The following ANK3 variants were observed in gnomAD, a reference collection of about 807,000 sequenced individuals.
The protein encoded by ANK3 is ankyrin 3.
Under a neutral mutation model 370.9 loss-of-function variants are expected in ANK3, and 57 were observed. That is an observed-to-expected ratio of 0.15 (90% confidence interval 0.12 to 0.19). ANK3 has a LOEUF of 0.19. ANK3 is among the 10% of genes least tolerant of loss of function. The pLI, the probability that ANK3 is intolerant of heterozygous loss-of-function variation, is 1.00. For missense variants in ANK3, 4,439 were observed against 5,302.1 expected, an observed-to-expected ratio of 0.84 and a Z score of 5.06; for synonymous variants, 1,929 against 1,946.3, an observed-to-expected ratio of 0.99 and a Z score of 0.23.
intron 28 of ANK3, among the ~76,000 whole-genome samples, chr10:60,094,434 C>T (rs545955778): frequency 6.9e-4 from 105 of 152,014 alleles, no homozygotes; most frequent in African/African-American, 2.4e-3. Flanking sequence ...GTGATGTGCC[C>T]GCCTCAGCCT....
rs1202303780 is a variant in ANK3 at position 60,442,191 on chromosome 10, G to GT, written c.97-162553dup. On this transcript the variant is annotated intron_variant, in intron 2 of 43. Coordinates refer to the ANK3 transcript ENST00000373827. ...ACTCACCACAACCTCTGCCTTCTGG[G>GT]TTCAAGCAATTCTCCTGTCTCGGCC... Among the ~76,000 whole-genome samples the GT allele has an allele frequency of 6.6e-5, 10 of 151,540 alleles. No individual in the cohort carries two copies. The South Asian group carries it at 1.3e-3, about 19-fold the overall frequency.
At chr10:60,367,714 T>C (rs2132767326) in intron 1 of ANK3, among the ~76,000 whole-genome samples, 1 of 152,360 alleles carries the variant, frequency 6.6e-6, no homozygotes, top group African/African-American at 2.4e-5. Context: ...AACCCATTCA[T>C]TTCCCCCTGC....
chr10:60,189,170 C>T (rs571479783), intron 16 of ANK3, among the ~76,000 whole-genome samples: 12 of 152,150 alleles, frequency 7.9e-5, no homozygotes, highest in Non-Finnish European at 8.8e-5. Flanking sequence ...CAAAAAGAAT[C>T]CTATGTCCTA....
intron 2 of ANK3, chr10:60,507,592 C>A (rs1489087308): frequency 6.6e-6 from 1 of 151,714 alleles, no homozygotes; most frequent in Non-Finnish European, 1.5e-5. Flanking sequence ...CAAAGAAAAC[C>A]ATCAAGAATT....
chr10:60,556,228 G>A (rs1938546), intron 2 of ANK3, among the ~76,000 whole-genome samples: 105,188 of 152,156 alleles, frequency 0.69, 36,789 homozygotes, highest in South Asian at 0.88. Flanking sequence ...TTAAACCTCT[G>A]AATTACTTCT....
At position 60,444,924 on chromosome 10, in the gene ANK3, A is replaced by G. The variant is rs551340138; in HGVS notation, c.97-165285T>C. Among the ~76,000 whole-genome samples the G allele has an allele frequency of 1.2e-4, 19 of 152,204 alleles. No homozygotes were observed. The South Asian group carries it at 3.7e-3, about 30-fold the overall frequency. On this transcript the variant is annotated intron_variant, in intron 2 of 43. Coordinates refer to the ANK3 transcript ENST00000373827. ...GTAAAACTTTTTTTCTTGCATTTTA[A>G]TTGTTCTAAAAATGAACTCTTTCTG...
chr10:60,153,309 G>A (rs1173100030), intron 23 of ANK3, among the ~76,000 whole-genome samples: 1 of 152,172 alleles, frequency 6.6e-6, no homozygotes, highest in East Asian at 1.9e-4. Flanking sequence ...GAGAAGAACT[G>A]GAGATCTGTA....
At chr10:60,716,751 A>G (rs1218067592) in intron 1 of ANK3, among the ~76,000 whole-genome samples, 1 of 152,160 alleles carries the variant, frequency 6.6e-6, no homozygotes, top group African/African-American at 2.4e-5. Flanking sequence ...CCTGCGCTCA[A>G]GTGATCCTCC....
chr10:60,226,481 A>ATATACTATG (rs1565819022), intron 8 of ANK3, among the ~76,000 whole-genome samples: 22 of 73,140 alleles, frequency 3.0e-4, no homozygotes, highest in African/African-American at 2.3e-3. Flanking sequence ...TATATATACT[A>ATATACTATG]TATATATACA....
chr10:60,652,706 A>AAG (rs2078806562), intron 1 of ANK3, among the ~76,000 whole-genome samples: 1 of 151,682 alleles, frequency 6.6e-6, no homozygotes, highest in Admixed American at 6.6e-5. Flanking sequence ...AAAAAAAAAA[A>AAG]AAAACTAAAC....
rs866119809 is a variant in ANK3 at position 60,434,572 on chromosome 10, G to T, written c.97-154933C>A. Among the ~76,000 whole-genome samples, 4 of 152,208 alleles carry T rather than the reference G, an allele frequency of 2.6e-5. 1 individual carries two copies. Among genetic ancestry groups the T allele is most frequent in the South Asian group, 4.2e-4 (2 of 4,814 alleles). ...TATATAGAGAGCCTTAAATTCTTTG[G>T]CAGGTTCATCTTGAATGGAATTGTT... is the stretch of plus-strand genomic sequence containing the variant. On this transcript the variant is annotated intron_variant, in intron 2 of 43. Transcript: ENST00000373827.
At chr10:60,673,645 C>T (rs978829067) in intron 1 of ANK3, among the ~76,000 whole-genome samples, 9 of 152,194 alleles carry the variant, frequency 5.9e-5, no homozygotes, top group African/African-American at 7.2e-5. Context: ...AACCACCACG[C>T]CCAGCCATCA....
chr10:60,575,276 C>T lies in ANK3; in HGVS notation c.96+39910G>A, dbSNP rs144909156. ...TTTCTTTGATAAAGCATGATCTTGG[C>T]TGTATTCATTTGTATATGTAAGGTT... is the stretch of plus-strand genomic sequence containing the variant. On this transcript the variant is annotated intron_variant, in intron 2 of 43. Transcript: ENST00000373827. Among the ~76,000 whole-genome samples, 438 of 151,750 alleles carry T rather than the reference C, an allele frequency of 2.9e-3. 5 individuals are homozygous for T. Among genetic ancestry groups the T allele is most frequent in the African/African-American group, 9.9e-3 (409 of 41,364 alleles).
chr10:60,118,632 A>C (rs1204526499), intron 25 of ANK3, among the ~76,000 whole-genome samples: 2 of 151,660 alleles, frequency 1.3e-5, no homozygotes, highest in Non-Finnish European at 2.9e-5. Flanking sequence ...CAAAACACTT[A>C]ATACAAAGTA....
At chr10:60,055,451 G>A (rs2078988471) in intron 42 of ANK3, among the ~76,000 whole-genome samples, 2 of 152,020 alleles carry the variant, frequency 1.3e-5, no homozygotes, top group South Asian at 4.1e-4. Flanking sequence ...TAACGAAATG[G>A]CATACATTTT....
intron 1 of ANK3, among the ~76,000 whole-genome samples, chr10:60,712,237 T>C (rs915984761): frequency 2.0e-5 from 3 of 152,226 alleles, no homozygotes; most frequent in Admixed American, 1.3e-4. Context: ...TATTTGGTGA[T>C]TATAGCTTGT....
intron 1 of ANK3, among the ~76,000 whole-genome samples, chr10:60,341,928 G>A (rs1185873681): frequency 6.6e-6 from 1 of 152,128 alleles, no homozygotes; most frequent in Non-Finnish European, 1.5e-5. Flanking sequence ...GTATCTCAAT[G>A]GTGGTTTAGC....
intron 2 of ANK3, among the ~76,000 whole-genome samples, chr10:60,529,155 C>T (rs1461450493): frequency 6.6e-6 from 1 of 151,946 alleles, no homozygotes; most frequent in Non-Finnish European, 1.5e-5. Context: ...AGTTGCTCTC[C>T]CGAGATAAAG....
intron 1 of ANK3, among the ~76,000 whole-genome samples, chr10:60,700,575 T>C (rs945742429): frequency 5.3e-5 from 8 of 152,168 alleles, no homozygotes; most frequent in Non-Finnish European, 8.8e-5. Flanking sequence ...TAAAACATAT[T>C]ATCAAGTCTC....
Sources: allele counts gnomAD v4.1 joint callset (sites outside exome capture counted in the v4.1 genomes callset), GRCh38; gene constraint gnomAD v4.1.1; transcripts MANE v1.5; gene names NCBI Gene and HGNC (gene_info 2026-07-23, HGNC 2026-07-21).